The following AUTS2 variants were observed in gnomAD, a reference collection of about 807,000 sequenced individuals.
The protein encoded by AUTS2 is autism susceptibility gene 2 protein.
Under a neutral mutation model 112.4 loss-of-function variants are expected in AUTS2, and 17 were observed. The ratio of observed to expected loss-of-function variants is 0.15; its 90% CI spans 0.10 to 0.23. AUTS2 has a LOEUF of 0.23. Ranked by LOEUF, AUTS2 falls within the 10% of genes least tolerant of loss-of-function variation. The pLI is 1.00. For synonymous variants in AUTS2, 751 were observed against 702.7 expected (o/e 1.07, Z -1.09); for missense variants, 1,510 against 1,701.6 (o/e 0.89, Z 1.98).
At chr7:69,694,936 CCA>C (rs1797492467) in intron 1 of AUTS2, among the ~76,000 whole-genome samples, 1 of 152,034 alleles carries the variant, frequency 6.6e-6, no homozygotes, top group Admixed American at 6.6e-5. Context: ...CAGGAAAACC[CCA>C]CTGGAACATT....
intron 5 of AUTS2, among the ~76,000 whole-genome samples, chr7:70,552,090 G>A (rs528194682): frequency 1.3e-5 from 2 of 152,220 alleles, no homozygotes; most frequent in Non-Finnish European, 2.9e-5. Flanking sequence ...AAGAGTATGT[G>A]TATCTTTGTG....
chr7:70,607,507 G>C (rs1330770821), intron 5 of AUTS2, among the ~76,000 whole-genome samples: 2 of 152,182 alleles, frequency 1.3e-5, no homozygotes, highest in East Asian at 3.9e-4. Context: ...ATGACTGGAA[G>C]AGTCTGGGGA....
chr7:69,838,905 C>T (rs753761443), intron 1 of AUTS2, among the ~76,000 whole-genome samples: 1 of 152,146 alleles, frequency 6.6e-6, no homozygotes, highest in Non-Finnish European at 1.5e-5. Flanking sequence ...ATTTTAAACC[C>T]TGGCTCTAGT....
chr7:69,636,610 T>A (rs532802274), intron 1 of AUTS2, among the ~76,000 whole-genome samples: 2 of 151,846 alleles, frequency 1.3e-5, no homozygotes, highest in Non-Finnish European at 2.9e-5. Flanking sequence ...TTTCTATACC[T>A]TTTCTGTATA....
At position 69,697,016 on chromosome 7, in the gene AUTS2, C is replaced by T. The variant is rs972853186; in HGVS notation, c.309+97054C>T. Among the ~76,000 whole-genome samples, 44 of 152,188 alleles carry T rather than the reference C, an allele frequency of 2.9e-4. 1 individual carries two copies. The highest frequency in any genetic ancestry group is 2.4e-3 in the Admixed American group (37 of 15,280). ...TAAGGGATAGGTTAGGAAGCTGTAA[C>T]GTATGTGTATGCACAGAAACTGTTG... On this transcript the variant is annotated intron_variant, in intron 1 of 18. Transcript: ENST00000342771.
chr7:69,906,427 G>A (rs923610016), intron 2 of AUTS2, among the ~76,000 whole-genome samples: 9 of 152,190 alleles, frequency 5.9e-5, no homozygotes, highest in Non-Finnish European at 1.3e-4. Flanking sequence ...TTGCACTGGT[G>A]GTGGTGGGGA....
intron 6 of AUTS2, among the ~76,000 whole-genome samples, chr7:70,725,821 C>T (rs1481457024): frequency 6.6e-6 from 1 of 152,106 alleles, no homozygotes; most frequent in African/African-American, 2.4e-5. Flanking sequence ...CTTAATTGTC[C>T]TCCCCTTTAT....
At chr7:70,374,390 A>G (rs1264420114) in intron 4 of AUTS2, among the ~76,000 whole-genome samples, 2 of 152,156 alleles carry the variant, frequency 1.3e-5, no homozygotes, top group African/African-American at 4.8e-5. Context: ...TTCTTTACCA[A>G]TTGCTATATA....
At chr7:70,232,603 T>A (rs1009207411) in intron 4 of AUTS2, among the ~76,000 whole-genome samples, 2 of 152,110 alleles carry the variant, frequency 1.3e-5, no homozygotes, top group Admixed American at 6.5e-5. Context: ...GGTCTTGAAC[T>A]CCTGACCTCA....
intron 5 of AUTS2, among the ~76,000 whole-genome samples, chr7:70,529,118 ACTT>A (rs1799975221): frequency 6.6e-6 from 1 of 152,164 alleles, no homozygotes; most frequent in African/African-American, 2.4e-5. Context: ...TGAAAGAGCT[ACTT>A]CTTCTGGGCA....
intron 4 of AUTS2, among the ~76,000 whole-genome samples, chr7:70,247,644 T>C (rs1308624820): frequency 1.3e-5 from 2 of 152,212 alleles, no homozygotes; most frequent in East Asian, 1.9e-4. Flanking sequence ...TTACCAGTTA[T>C]AGTAAGTTTT....
chr7:70,782,055 G>A lies in AUTS2; in HGVS notation c.2146+299G>A, dbSNP rs115375347. On this transcript the variant is annotated intron_variant, in intron 15 of 18. Coordinates refer to ENST00000342771, the MANE Select transcript of AUTS2 (RefSeq NM_015570.4). ...ACTCACAAGCATGTCAGTTGCTATTGAGAAAGATCTGAAGGCTTGCAAGGG... is the reference window on the plus strand; with the variant it reads ...ACTCACAAGCATGTCAGTTGCTATTAAGAAAGATCTGAAGGCTTGCAAGGG... 3.6e-3 allele frequency: 1,252 copies of A among 345,094 alleles called. 16 individuals carry two copies. The highest frequency in any genetic ancestry group is 0.024 in the African/African-American group (1,122 of 47,004). The allele number at this position is 345,094 out of a possible 1,614,324, so 21.4% of individuals were successfully genotyped here. A position where few individuals can be genotyped will look rare whatever the true frequency, so the allele number is the denominator to read the frequency against.
chr7:70,786,133 G>T, intron 17 of AUTS2, 95 bp downstream of exon 17: 2 of 1,031,714 alleles, frequency 1.9e-6, no homozygotes, highest in Non-Finnish European at 2.9e-6. Context: ...AGGAAACTAT[G>T]CTCTGGGGGG....
chr7:70,131,118 C>T (rs1806248807), intron 3 of AUTS2, among the ~76,000 whole-genome samples: 1 of 152,058 alleles, frequency 6.6e-6, no homozygotes, highest in South Asian at 2.1e-4. Context: ...TGCTTGAAGT[C>T]TCCAAGCAAA....
chr7:70,076,715 A>G (rs544724676), intron 2 of AUTS2, among the ~76,000 whole-genome samples: 28 of 152,302 alleles, frequency 1.8e-4, no homozygotes, highest in South Asian at 1.4e-3. Context: ...TAAGATCCCA[A>G]AAGGCCTTAG....
At chr7:70,337,790 G>A (rs947869445) in intron 4 of AUTS2, among the ~76,000 whole-genome samples, 3 of 152,120 alleles carry the variant, frequency 2.0e-5, no homozygotes, top group Non-Finnish European at 4.4e-5. Flanking sequence ...GTTCACAGTT[G>A]GGACACCAGC....
chr7:70,496,702 T>A (rs867091672), intron 5 of AUTS2, among the ~76,000 whole-genome samples: 9 of 29,538 alleles, frequency 3.0e-4, no homozygotes, highest in Admixed American at 7.7e-4. Context: ...ACGTACACAG[T>A]CACACACGCA....
At chr7:70,245,716 T>C (rs1562817709) in intron 4 of AUTS2, among the ~76,000 whole-genome samples, 1 of 152,194 alleles carries the variant, frequency 6.6e-6, no homozygotes, top group African/African-American at 2.4e-5. Flanking sequence ...GACTGTTCTT[T>C]TATGTGTCTC....
Position 69,609,920 on chromosome 7 carries a change from T to C in AUTS2, c.309+9958T>C, listed in dbSNP as rs551735551. Among the ~76,000 whole-genome samples the C allele has an allele frequency of 2.6e-5, 4 of 152,320 alleles. No individual in the cohort carries two copies. In the South Asian group the frequency reaches 6.2e-4, roughly 24 times the overall value. On this transcript the variant is annotated intron_variant, in intron 1 of 18. Coordinates refer to ENST00000342771, the MANE Select transcript of AUTS2 (RefSeq NM_015570.4). ...TGGATGTAATTAAAACAGAAGCAGA[T>C]TGACACCCTGAATTAAATGTAAACC...
Sources: gnomAD v4.1 joint callset for allele counts (sites outside exome capture counted in the v4.1 genomes callset) on GRCh38, gnomAD v4.1.1 for gene constraint, MANE v1.5 for transcripts, NCBI Gene and HGNC (gene_info 2026-07-23, HGNC 2026-07-21) for gene names.